The following GRID2 variants were observed in gnomAD, a reference collection of about 807,000 sequenced individuals.
GRID2 encodes the protein glutamate receptor ionotropic, delta-2.
A neutral mutation model predicts 114.8 loss-of-function variants in GRID2; 33 were observed. The observed-to-expected ratio is 0.29, with a 90% CI of 0.22 to 0.38. GRID2 has a LOEUF of 0.38. Among genes scored for constraint, GRID2 ranks in the 10% least tolerant of loss-of-function variants. The probability of loss-of-function intolerance (pLI) is 1.00; values close to 1 mark genes in which losing one functional copy is unlikely to be tolerated. For missense variants in GRID2, 1,184 were observed against 1,257.7 expected, an observed-to-expected ratio of 0.94 and a Z score of 0.89; for synonymous variants, 505 against 449.9, an observed-to-expected ratio of 1.12 and a Z score of -1.55.
chr4:92,860,724 A>AG (rs1435651102), intron 2 of GRID2, among the ~76,000 whole-genome samples: 13 of 152,078 alleles, frequency 8.5e-5, no homozygotes, highest in Admixed American at 6.5e-4. Context: ...AATTTCCATG[A>AG]GGGTAAGGAC....
chr4:93,301,827 G>C (rs1194068912), intron 8 of GRID2, among the ~76,000 whole-genome samples: 2 of 152,118 alleles, frequency 1.3e-5, no homozygotes, highest in African/African-American at 2.4e-5. Context: ...GTTTTGAAAT[G>C]TGTTCTGATA....
chr4:93,679,113 T>G lies in GRID2; in HGVS notation c.2360+52678T>G, dbSNP rs1305271857. ...CCAAGCAAATGGAAAATAAAAAAAG[T>G]CAGGGATTGCAATCCTAGTCTCTGA... On this transcript the variant is annotated intron_variant, in intron 14 of 15. Coordinates refer to ENST00000282020, the MANE Select transcript of GRID2 (RefSeq NM_001510.4). Among the ~76,000 whole-genome samples, 9 of 150,776 alleles carry G rather than the reference T, an allele frequency of 6.0e-5. 1 individual carries two copies. Among genetic ancestry groups the G allele is most frequent in the African/African-American group, 1.2e-4 (5 of 40,628 alleles).
chr4:93,459,025 C>CA (rs1334873626), intron 11 of GRID2, among the ~76,000 whole-genome samples: 3 of 151,238 alleles, frequency 2.0e-5, no homozygotes, highest in African/African-American at 4.9e-5. Flanking sequence ...GCTAAAAATA[C>CA]AAAAAAATGC....
chr4:93,023,633 G>A (rs1723606633), intron 2 of GRID2, among the ~76,000 whole-genome samples: 1 of 151,784 alleles, frequency 6.6e-6, no homozygotes, highest in Non-Finnish European at 1.5e-5. Context: ...GCTTAAAAGT[G>A]GGGTCTATGC....
intron 14 of GRID2, among the ~76,000 whole-genome samples, chr4:93,742,870 A>G (rs532318943): frequency 1.4e-4 from 22 of 152,318 alleles, no homozygotes; most frequent in Admixed American, 1.3e-3. Context: ...TGTTCAAATG[A>G]AAAAACAAAA....
intron 2 of GRID2, among the ~76,000 whole-genome samples, chr4:93,068,798 A>T (rs1034751979): frequency 2.0e-5 from 3 of 151,966 alleles, no homozygotes; most frequent in African/African-American, 7.2e-5. Context: ...ATATACATCC[A>T]TGTATTATTT....
Position 93,545,812 on chromosome 4 carries a change from A to G in GRID2, c.2193+30401A>G, listed in dbSNP as rs1229947814. On this transcript the variant is annotated intron_variant, in intron 13 of 15. Coordinates refer to ENST00000282020, the MANE Select transcript of GRID2 (RefSeq NM_001510.4). ...CCACAAAAAAATATTTTTCAGAAAAAAGAGAGAGGAGCTTACAGTGAAAAA... is the reference window on the plus strand; with the variant it reads ...CCACAAAAAAATATTTTTCAGAAAAGAGAGAGAGGAGCTTACAGTGAAAAA... 2.6e-5 allele frequency among the ~76,000 whole-genome samples: 4 copies of G among 152,234 alleles called. 1 individual carries two copies. The highest frequency in any genetic ancestry group is 9.6e-5 in the African/African-American group (4 of 41,458).
In GRID2 at chr4:92,871,961, G is replaced by A. The variant is rs74399426; in HGVS notation, c.245-213034G>A. 6.8e-4 allele frequency among the ~76,000 whole-genome samples: 103 copies of A among 152,106 alleles called. 1 individual carries two copies. Among genetic ancestry groups the A allele is most frequent in the Non-Finnish European group, 1.1e-3 (73 of 67,968 alleles). On this transcript the variant is annotated intron_variant, in intron 2 of 15. Coordinates refer to ENST00000282020, the MANE Select transcript of GRID2 (RefSeq NM_001510.4). ...CAATTAAATGTATAGTGAAATTTGC[G>A]TATAAAAAGAAATAAACTCTCCAAT...
chr4:93,357,417 A>G (rs1168046472), intron 8 of GRID2, among the ~76,000 whole-genome samples: 1 of 151,476 alleles, frequency 6.6e-6, no homozygotes, highest in Non-Finnish European at 1.5e-5. Flanking sequence ...TATGTTGAAA[A>G]TATTTATTCC....
chr4:93,635,902 A>G (rs1348652287), intron 14 of GRID2, among the ~76,000 whole-genome samples: 1 of 152,214 alleles, frequency 6.6e-6, no homozygotes, highest in African/African-American at 2.4e-5. Context: ...GCCAAACTGT[A>G]GCCAAATTTT....
intron 13 of GRID2, among the ~76,000 whole-genome samples, chr4:93,530,100 T>G (rs879278945): frequency 1.3e-5 from 2 of 152,080 alleles, no homozygotes; most frequent in Non-Finnish European, 2.9e-5. Context: ...TCTCTCCAAT[T>G]TATTCTCTCC....
At chr4:92,679,384 T>A (rs1733535720) in intron 2 of GRID2, among the ~76,000 whole-genome samples, 1 of 152,042 alleles carries the variant, frequency 6.6e-6, no homozygotes, top group Non-Finnish European at 1.5e-5. Context: ...TTTTTCTTAG[T>A]CACCATTTCT....
chr4:92,760,021 C>T (rs1236930693), intron 2 of GRID2, among the ~76,000 whole-genome samples: 3 of 151,072 alleles, frequency 2.0e-5, no homozygotes, highest in Non-Finnish European at 3.0e-5. Context: ...GCGGGTGGAT[C>T]ACGAGGTCAG....
At chr4:93,704,061 G>T (rs1375428271) in intron 14 of GRID2, among the ~76,000 whole-genome samples, 1 of 152,116 alleles carries the variant, frequency 6.6e-6, no homozygotes, top group African/African-American at 2.4e-5. Context: ...GATCCCTGAG[G>T]AATCGCCACA....
At chr4:93,573,964 A>T (rs1017898839) in intron 13 of GRID2, among the ~76,000 whole-genome samples, 9 of 152,202 alleles carry the variant, frequency 5.9e-5, no homozygotes, top group African/African-American at 2.2e-4. Context: ...CACTGTTGTA[A>T]GAATTAGAGA....
intron 1 of GRID2, among the ~76,000 whole-genome samples, chr4:92,351,588 A>T (rs1235628853): frequency 6.6e-6 from 1 of 151,814 alleles, no homozygotes; most frequent in Non-Finnish European, 1.5e-5. Context: ...CAGTGCTATG[A>T]AACACTAGAA....
intron 2 of GRID2, among the ~76,000 whole-genome samples, chr4:92,795,363 C>A (rs143498780): frequency 4.6e-5 from 7 of 151,802 alleles, no homozygotes; most frequent in African/African-American, 1.7e-4. Context: ...GCTTCTTCCT[C>A]ATTTTCTGTT....
At chr4:92,492,441 A>C (rs1003669809) in intron 1 of GRID2, among the ~76,000 whole-genome samples, 6 of 152,328 alleles carry the variant, frequency 3.9e-5, no homozygotes, top group Non-Finnish European at 8.8e-5. Context: ...AATTGTATAG[A>C]TACATAAGAG....
chr4:92,305,372 C>T (rs968843730), intron 1 of GRID2, among the ~76,000 whole-genome samples: 1 of 152,104 alleles, frequency 6.6e-6, no homozygotes, highest in African/African-American at 2.4e-5. Context: ...GCGGCAGTGT[C>T]GCCAAGGACT....
Sources: allele counts gnomAD v4.1 joint callset (sites outside exome capture counted in the v4.1 genomes callset), GRCh38; gene constraint gnomAD v4.1.1; transcripts MANE v1.5; gene names NCBI Gene and HGNC (gene_info 2026-07-23, HGNC 2026-07-21).